DOCK9: variants seen among roughly 807,000 people sequenced by gnomAD.
DOCK9 encodes dedicator of cytokinesis protein 9.
A neutral mutation model predicts 263.3 loss-of-function variants in DOCK9; 89 were observed. The observed-to-expected ratio is 0.34, with a 90% CI of 0.28 to 0.40. The LOEUF is 0.40. Among genes scored for constraint, DOCK9 ranks in the 10% least tolerant of loss-of-function variants. DOCK9 has a pLI of 1.00. For missense variants in DOCK9, 2,140 were observed against 2,603.4 expected (o/e 0.82, Z 3.87); for synonymous variants, 976 against 973.1 (o/e 1.00, Z -0.06).
chr13:98,903,260 C>A, intron 10 of DOCK9, 148 bp from the exon 11 acceptor site: 1 of 679,228 alleles, frequency 1.5e-6, no homozygotes, highest in Non-Finnish European at 2.2e-6. Flanking sequence ...TAATCGGTTT[C>A]TATGGTTTAT....
chr13:98,882,725 A>G (rs1465830286), intron 23 of DOCK9, among the ~76,000 whole-genome samples: 1 of 152,204 alleles, frequency 6.6e-6, no homozygotes, highest in East Asian at 1.9e-4. Context: ...GTGAGGACCG[A>G]AGTCTCTGCT....
intron 45 of DOCK9, among the ~76,000 whole-genome samples, chr13:98,818,649 A>C (rs2092062967): frequency 6.6e-6 from 1 of 151,774 alleles, no homozygotes; most frequent in Non-Finnish European, 1.5e-5. Flanking sequence ...AATATGTCAT[A>C]ATATTTAAGT....
chr13:98,877,033 G>A (rs1461047984), intron 27 of DOCK9, among the ~76,000 whole-genome samples: 1 of 152,232 alleles, frequency 6.6e-6, no homozygotes, highest in Non-Finnish European at 1.5e-5. Context: ...AAAAGGTTGT[G>A]CATGGTAGCA....
intron 1 of DOCK9, among the ~76,000 whole-genome samples, chr13:99,033,910 A>G (rs1394259646): frequency 1.3e-5 from 2 of 152,016 alleles, no homozygotes; most frequent in Non-Finnish European, 2.9e-5. Flanking sequence ...TAGAGATCAA[A>G]ATGCCTGGCC....
chr13:98,801,216 T>A (rs889490669), intron 49 of DOCK9, among the ~76,000 whole-genome samples: 2 of 152,004 alleles, frequency 1.3e-5, no homozygotes, highest in Non-Finnish European at 2.9e-5. Context: ...GCCCAGGAGG[T>A]CAAAGCTGCA....
rs766612951 is a variant in DOCK9, at chr13:98,845,917, G to A, written c.4198+7C>T. 5.6e-6 allele frequency: 9 copies of A among 1,612,998 alleles called. No homozygotes were observed. The highest frequency in any genetic ancestry group is 2.7e-5 in the African/African-American group (2 of 74,930). ...TGGCTGTTACGATGGCATGTCATGG[G>A]ACTTACTGTGGTTAAAAGTGAGAGA... On this transcript the variant is annotated splice_region_variant and intron_variant, in intron 38 of 52. Coordinates refer to ENST00000682017, the MANE Select transcript of DOCK9 (RefSeq NM_001366683.2).
chr13:98,921,887 G>C (rs182607325), intron 6 of DOCK9, among the ~76,000 whole-genome samples, 164 bp downstream of exon 6: 2 of 152,312 alleles, frequency 1.3e-5, no homozygotes, highest in African/African-American at 4.8e-5. Context: ...GGGTGGATGA[G>C]GCTGTGCCAA....
At chr13:98,823,129 CA>C (rs5806074) in intron 45 of DOCK9, among the ~76,000 whole-genome samples, 22,858 of 140,466 alleles carry the variant, frequency 0.16, 1,832 homozygotes, top group South Asian at 0.22. Flanking sequence ...ATATTTTTTC[CA>C]AAAAAAAAAA....
At chr13:99,023,797 AGGGAAGATAAGCTAC>A in intron 1 of DOCK9, among the ~76,000 whole-genome samples, 1 of 152,338 alleles carries the variant, frequency 6.6e-6, no homozygotes, top group South Asian at 2.1e-4. Context: ...CCCCTCACAA[AGGGAAGATAAGCTAC>A]AGGAACTATC....
chr13:98,824,545 T>C (rs368112570), intron 44 of DOCK9, 41 bp from the exon 45 acceptor site: 56 of 1,555,834 alleles, frequency 3.6e-5, no homozygotes, highest in Middle Eastern at 3.4e-4. Flanking sequence ...GTTAGGAACC[T>C]GAACGTGGGT....
intron 4 of DOCK9, among the ~76,000 whole-genome samples, chr13:98,925,155 C>T (rs2052716733): frequency 6.6e-6 from 1 of 152,068 alleles, no homozygotes; most frequent in African/African-American, 2.4e-5. Context: ...CAGAGCAAGA[C>T]TCTGTCTCAA....
chr13:98,945,001 G>A (rs1177891295), intron 2 of DOCK9, among the ~76,000 whole-genome samples: 2 of 152,170 alleles, frequency 1.3e-5, no homozygotes, highest in African/African-American at 4.8e-5. Context: ...GAAGTTTGGT[G>A]AGCTAAGCAA....
intron 1 of DOCK9, among the ~76,000 whole-genome samples, chr13:99,077,114 G>A (rs2041939609): frequency 6.6e-6 from 1 of 152,156 alleles, no homozygotes; most frequent in Non-Finnish European, 1.5e-5. Context: ...TGGTCCAAGG[G>A]AAATAGTTTG....
At chr13:98,824,117 T>G (rs997212840) in intron 45 of DOCK9, among the ~76,000 whole-genome samples, 3 of 152,224 alleles carry the variant, frequency 2.0e-5, no homozygotes, top group African/African-American at 7.2e-5. Context: ...GACCAATATA[T>G]TGGAACTTTT....
chr13:98,817,841 G>A (rs1165073807), intron 45 of DOCK9, among the ~76,000 whole-genome samples: 1 of 149,418 alleles, frequency 6.7e-6, no homozygotes, highest in African/African-American at 2.5e-5. Context: ...TGGGAAATAG[G>A]AAAGTTTGAT....
chr13:99,057,020 C>T (rs1675816571), intron 1 of DOCK9, among the ~76,000 whole-genome samples: 1 of 152,146 alleles, frequency 6.6e-6, no homozygotes. Flanking sequence ...TCTCAGACAG[C>T]GAATTCCTAC....
intron 39 of DOCK9, among the ~76,000 whole-genome samples, chr13:98,832,655 G>A (rs377168009): frequency 1.3e-5 from 2 of 152,346 alleles, no homozygotes; most frequent in African/African-American, 2.4e-5. Flanking sequence ...GTGTGGCCCA[G>A]CAAGCAGCCA....
At chr13:98,900,663 C>T (rs2048135807) in intron 13 of DOCK9, among the ~76,000 whole-genome samples, 1 of 152,104 alleles carries the variant, frequency 6.6e-6, no homozygotes, top group South Asian at 2.1e-4. Flanking sequence ...TAACACTGTC[C>T]CTATGAGGAA....
intron 33 of DOCK9, 184 bp downstream of exon 33, chr13:98,860,221 T>C (rs1309248917): frequency 7.0e-7 from 1 of 1,435,098 alleles, no homozygotes; most frequent in Non-Finnish European, 9.2e-7. Context: ...ATCCGGGACC[T>C]TTATTTCAGG....
Sources: gnomAD v4.1 joint callset for allele counts (sites outside exome capture counted in the v4.1 genomes callset) on GRCh38, gnomAD v4.1.1 for gene constraint, MANE v1.5 for transcripts, NCBI Gene and HGNC (gene_info 2026-07-23, HGNC 2026-07-21) for gene names.